EME2: variants seen among roughly 807,000 people sequenced by gnomAD.
EME2 encodes the protein structure-specific endonuclease subunit EME2.
Under a neutral mutation model 41.9 loss-of-function variants are expected in EME2, and 58 were observed. The ratio of observed to expected loss-of-function variants is 1.38; its 90% CI spans 1.12 to 1.72. EME2 has a LOEUF of 1.72. Ranked by LOEUF, EME2 falls within the 40% of genes most tolerant of loss-of-function variation. The pLI, the probability that EME2 is intolerant of heterozygous loss-of-function variation, is 0.00. For synonymous variants in EME2, 334 were observed against 239.3 expected, an observed-to-expected ratio of 1.40 and a Z score of -3.65; for missense variants, 695 against 541.9, an observed-to-expected ratio of 1.28 and a Z score of -2.81.
rs1234019151 is a variant in EME2 at position 1,777,128 on chromosome 16, G to A, written c.*890G>A. On this transcript the variant is annotated 3_prime_UTR_variant, in exon 8 of 8. Coordinates refer to ENST00000568449, the MANE Select transcript of EME2 (RefSeq NM_001257370.2). ...CCGGCGGCAGCGCTTCCTCTGGCAG[G>A]GCCGAGGCTCGCGACTGCTGGGGTG... The A allele has an allele frequency of 3.1e-6, 5 of 1,611,560 alleles. No homozygotes were observed. Among genetic ancestry groups the A allele is most frequent in the Non-Finnish European group, 4.2e-6 (5 of 1,179,638 alleles).
rs896129678 is a variant in EME2 at position 1,779,780 on chromosome 16, A to G, written c.*3542A>G. 3 of 152,200 alleles carry G rather than the reference A, an allele frequency of 2.0e-5. No individual in the cohort carries two copies. The East Asian group carries it at 5.8e-4, about 29-fold the overall frequency. 9.4% of individuals were successfully genotyped at this position (152,200 alleles called of 1,614,324 possible). ...TTTGGTGACACAGGACAAGCAGCAC[A>G]TGTGTCGAACACTGCCGAGCCCGCA... On this transcript the variant is annotated 3_prime_UTR_variant, in exon 8 of 8. Coordinates refer to ENST00000568449, the MANE Select transcript of EME2 (RefSeq NM_001257370.2).
In EME2 at chr16:1,776,637, C is replaced by T. The variant is rs2042717061; in HGVS notation, c.*399C>T. On this transcript the variant is annotated 3_prime_UTR_variant, in exon 8 of 8. Coordinates refer to ENST00000568449, the MANE Select transcript of EME2 (RefSeq NM_001257370.2). ...GGGGACTCCCAAGGATGTGGAGGGG[C>T]AGTGAGGCCTGGGAGAAGGCCCAGG... 2 of 286,410 alleles carry T rather than the reference C, an allele frequency of 7.0e-6. No homozygotes were observed. The highest frequency in any genetic ancestry group is 1.3e-5 in the Non-Finnish European group (2 of 152,108). 17.7% of individuals were successfully genotyped at this position (286,410 alleles called of 1,614,324 possible). A position where few individuals can be genotyped will look rare whatever the true frequency, so the allele number is the denominator to read the frequency against.
chr16:1,777,948 G>T lies in EME2; in HGVS notation c.*1710G>T, dbSNP rs924607619. On this transcript the variant is annotated 3_prime_UTR_variant, in exon 8 of 8. Transcript: ENST00000568449. Reference sequence around the variant, plus strand: ...GCCCCACCCTGGGCCTCACGCACCCGTGTAGGAGAGGCCCCAGCTGTCCTC... The same window carrying T: ...GCCCCACCCTGGGCCTCACGCACCCTTGTAGGAGAGGCCCCAGCTGTCCTC... 1.2e-6 allele frequency: 2 copies of T among 1,612,520 alleles called. No homozygotes were observed. Among genetic ancestry groups the T allele is most frequent in the Non-Finnish European group, 1.7e-6 (2 of 1,179,900 alleles).
rs2042685152 is a variant in EME2 at position 1,774,876 on chromosome 16, G to T, written c.478-165G>T. Reference sequence around the variant, plus strand: ...CTTAGCCTCTTTGGCCTCGTGGGAGGCACAGAGCTGGTTTTCTCAGAAGGG... The same window carrying T: ...CTTAGCCTCTTTGGCCTCGTGGGAGTCACAGAGCTGGTTTTCTCAGAAGGG... On this transcript the variant is annotated intron_variant, in intron 3 of 7. Coordinates refer to ENST00000568449, the MANE Select transcript of EME2 (RefSeq NM_001257370.2). The T allele has an allele frequency of 1.3e-5, 9 of 678,872 alleles. 1 individual carries two copies. In the South Asian group the frequency reaches 1.4e-4, roughly 10 times the overall value. 42.1% of individuals were successfully genotyped at this position (678,872 alleles called of 1,614,324 possible). A position where few individuals can be genotyped will look rare whatever the true frequency, so the allele number is the denominator to read the frequency against.
chr16:1,773,028 G>A lies in EME2; in HGVS notation c.-200G>A, dbSNP rs891271151. 6.9e-7 allele frequency: 1 copy of A among 1,443,236 alleles called. No homozygotes were observed. The highest frequency in any genetic ancestry group is 9.1e-7 in the Non-Finnish European group (1 of 1,099,388). 89.4% of individuals were successfully genotyped at this position (1,443,236 alleles called of 1,614,324 possible). On this transcript the variant is annotated 5_prime_UTR_variant, in exon 1 of 8. Coordinates refer to ENST00000568449, the MANE Select transcript of EME2 (RefSeq NM_001257370.2). Reference sequence around the variant, plus strand: ...CTCGTAGTCCACCGCGTAGAGCTGGGAGTCGCGCGGCCTGTTCAGTTGCTC... The same window carrying A: ...CTCGTAGTCCACCGCGTAGAGCTGGAAGTCGCGCGGCCTGTTCAGTTGCTC...
chr16:1,777,626 G>A lies in EME2; in HGVS notation c.*1388G>A. ...CACTGTCCCACCCCCTGGGACCCTG[G>A]GGCCTCAGGCTTCTGGGAGGAACCC... On this transcript the variant is annotated 3_prime_UTR_variant, in exon 8 of 8. Transcript: ENST00000568449. 6.7e-7 allele frequency: 1 copy of A among 1,499,300 alleles called. No homozygotes were observed. The highest frequency in any genetic ancestry group is 9.0e-7 in the Non-Finnish European group (1 of 1,114,752). 92.9% of individuals were successfully genotyped at this position (1,499,300 alleles called of 1,614,324 possible). A position where few individuals can be genotyped will look rare whatever the true frequency, so the allele number is the denominator to read the frequency against.
At position 1,775,915 on chromosome 16, in the gene EME2, T is replaced by C; in HGVS notation, c.898T>C (p.Phe300Leu). 2.5e-6 allele frequency: 4 copies of C among 1,612,248 alleles called. No individual in the cohort carries two copies. The highest frequency in any genetic ancestry group is 3.4e-6 in the Non-Finnish European group (4 of 1,179,802). Residue 300 changes from phenylalanine (F) to leucine (L), a missense_variant, in exon 7 of 8, where the codon TTC becomes CTC. Coordinates refer to ENST00000568449, the MANE Select transcript of EME2 (RefSeq NM_001257370.2). ...QAAWRRQIRQ[F>L]SRVSPAVADA... The stretch of plus-strand genomic sequence containing the variant: ...GGCCTGGCGGAGGCAGATCAGGCAG[T>C]TCAGTCGGGTCAGCCCAGCCGTGGC...
In EME2 at chr16:1,781,449, T is replaced by A. The variant is rs1471498171; in HGVS notation, c.*5211T>A. 6.2e-7 allele frequency: 1 copy of A among 1,612,568 alleles called. No individual in the cohort carries two copies. The highest frequency in any genetic ancestry group is 8.5e-7 in the Non-Finnish European group (1 of 1,179,974). On this transcript the variant is annotated 3_prime_UTR_variant, in exon 8 of 8. Coordinates refer to ENST00000568449, the MANE Select transcript of EME2 (RefSeq NM_001257370.2). ...TCGGCGGGCTGCACTCAGGACGAAG[T>A]GCCAGGCCCTGCTGTTCCGGGGGCG...
At position 1,778,140 on chromosome 16, in the gene EME2, G is replaced by A. The variant is rs376234209; in HGVS notation, c.*1902G>A. The A allele has an allele frequency of 1.6e-5, 25 of 1,612,558 alleles. No individual in the cohort carries two copies. The highest frequency in any genetic ancestry group is 3.3e-5 in the Admixed American group (2 of 59,994). On this transcript the variant is annotated 3_prime_UTR_variant, in exon 8 of 8. Coordinates refer to ENST00000568449, the MANE Select transcript of EME2 (RefSeq NM_001257370.2). ...CTGGGCCGAAGCAACTTACCATGTCGGTGCCGTAGACGGGAGAGGTCATCT... is the reference window on the plus strand; with the variant it reads ...CTGGGCCGAAGCAACTTACCATGTCAGTGCCGTAGACGGGAGAGGTCATCT...
In EME2 at chr16:1,777,801, G is replaced by C. The variant is rs1480822388; in HGVS notation, c.*1563G>C. 6 of 1,612,788 alleles carry C rather than the reference G, an allele frequency of 3.7e-6. No homozygotes were observed. Among genetic ancestry groups the C allele is most frequent in the Non-Finnish European group, 5.1e-6 (6 of 1,179,916 alleles). On this transcript the variant is annotated 3_prime_UTR_variant, in exon 8 of 8. Coordinates refer to ENST00000568449, the MANE Select transcript of EME2 (RefSeq NM_001257370.2). ...AGTGTGCCGTGCCAGGTGTCCAGGT[G>C]CACGCCAATGATGGAGCCCTGGCCG...
rs1000988298 is a variant in EME2 at position 1,773,005 on chromosome 16, C to T, written c.-223C>T. ...CCAGAGAACGGCCGCGTCAAGGTCT[C>T]GTAGTCCACCGCGTAGAGCTGGGAG... On this transcript the variant is annotated 5_prime_UTR_variant, in exon 1 of 8. Transcript: ENST00000568449. 7 of 1,457,130 alleles carry T rather than the reference C, an allele frequency of 4.8e-6. No homozygotes were observed. Among genetic ancestry groups the T allele is most frequent in the African/African-American group, 4.5e-5 (3 of 67,058 alleles). The allele number at this position is 1,457,130 out of a possible 1,614,324, so 90.3% of individuals were successfully genotyped here.
rs778576287 is a variant in EME2 at position 1,778,475 on chromosome 16, G to A, written c.*2237G>A. On this transcript the variant is annotated 3_prime_UTR_variant, in exon 8 of 8. Transcript: ENST00000568449. ...CGCAGCGGCAGTCCCTGCCCCGGTG[G>A]GCCGAGTGCAGGCTGCTACAGAAGG... 3 of 1,611,558 alleles carry A rather than the reference G, an allele frequency of 1.9e-6. No homozygotes were observed. The highest frequency in any genetic ancestry group is 1.7e-6 in the Non-Finnish European group (2 of 1,179,352).
Position 1,773,076 on chromosome 16 carries a change from G to C in EME2, c.-152G>C. On this transcript the variant is annotated 5_prime_UTR_variant, in exon 1 of 8. Transcript: ENST00000568449. ...CTCCCGCAGGGCGCGCACGCGGCGG[G>C]CCAGCTCCGCGATCAGCCGCGGACG... 1 of 1,413,428 alleles carries C rather than the reference G, an allele frequency of 7.1e-7. No homozygotes were observed. The highest frequency in any genetic ancestry group is 9.2e-7 in the Non-Finnish European group (1 of 1,087,324). The allele number at this position is 1,413,428 out of a possible 1,614,324, so 87.6% of individuals were successfully genotyped here.
At position 1,781,084 on chromosome 16, in the gene EME2, C is replaced by A; in HGVS notation, c.*4846C>A. 8.0e-7 allele frequency: 1 copy of A among 1,257,598 alleles called. No homozygotes were observed. Among genetic ancestry groups the A allele is most frequent in the Admixed American group, 2.3e-5 (1 of 43,992 alleles). The allele number at this position is 1,257,598 out of a possible 1,614,324, so 77.9% of individuals were successfully genotyped here. On this transcript the variant is annotated 3_prime_UTR_variant, in exon 8 of 8. Transcript: ENST00000568449. ...AACCAAAAGCAACTGCCAACCTCTC[C>A]ATGCACCATGTGTTTCAGAGGAGAA...
rs912490376 is a variant in EME2, at chr16:1,778,931, G to A, written c.*2693G>A. 2.2e-5 allele frequency: 6 copies of A among 270,128 alleles called. No individual in the cohort carries two copies. The South Asian group carries it at 5.7e-4, about 26-fold the overall frequency. The allele number at this position is 270,128 out of a possible 1,614,324, so 16.7% of individuals were successfully genotyped here. On this transcript the variant is annotated 3_prime_UTR_variant, in exon 8 of 8. Coordinates refer to ENST00000568449, the MANE Select transcript of EME2 (RefSeq NM_001257370.2). ...CACCTGCCCAGAGCTGAGATGGTGT[G>A]GACACCTTCCCTGCTAGGCCAGCCC...
At position 1,776,101 on chromosome 16, in the gene EME2, A is replaced by C; in HGVS notation, c.1003A>C (p.Met335Leu). 1 of 1,611,284 alleles carries C rather than the reference A, an allele frequency of 6.2e-7. No individual in the cohort carries two copies. Among genetic ancestry groups the C allele is most frequent in the African/African-American group, 1.3e-5 (1 of 75,064 alleles). The part of the protein sequence containing the change: ...LEACSTERER[M>L]GLLADLPVPP... Reference sequence around the variant, plus strand: ...GGCCTGCAGCACGGAGCGGGAGCGCATGGGCCTCCTGGCCGACCTTCCTGT... The same window carrying C: ...GGCCTGCAGCACGGAGCGGGAGCGCCTGGGCCTCCTGGCCGACCTTCCTGT... The change falls in exon 8 of 8, where the codon ATG becomes CTG. Residue 335 changes from methionine to leucine, a missense_variant. Met to Leu is a conservative substitution (Grantham distance 15, BLOSUM62 2). Transcript: ENST00000568449.
Position 1,777,256 on chromosome 16 carries a change from C to T in EME2, c.*1018C>T, listed in dbSNP as rs751327026. The T allele has an allele frequency of 2.4e-5, 38 of 1,610,444 alleles. No homozygotes were observed. The highest frequency in any genetic ancestry group is 4.0e-5 in the African/African-American group (3 of 74,938). On this transcript the variant is annotated 3_prime_UTR_variant, in exon 8 of 8. Coordinates refer to ENST00000568449, the MANE Select transcript of EME2 (RefSeq NM_001257370.2). ...TGTTGTGTAGCACCTGCTTGAGGCC[C>T]GGCGGCAGCGGCAGACCCTCCAGCG...
In EME2 at chr16:1,778,126, C is replaced by A. The variant is rs767832584; in HGVS notation, c.*1888C>A. The A allele has an allele frequency of 6.2e-6, 10 of 1,612,742 alleles. No homozygotes were observed. Among genetic ancestry groups the A allele is most frequent in the Middle Eastern group, 1.7e-4 (1 of 6,060 alleles). ...TCCCCAGAAGCACCCTGGGCCGAAG[C>A]AACTTACCATGTCGGTGCCGTAGAC... On this transcript the variant is annotated 3_prime_UTR_variant, in exon 8 of 8. Transcript: ENST00000568449.
rs375808256 is a variant in EME2 at position 1,778,057 on chromosome 16, A to G, written c.*1819A>G. The G allele has an allele frequency of 3.7e-6, 6 of 1,612,756 alleles. No homozygotes were observed. The highest frequency in any genetic ancestry group is 3.3e-5 in the South Asian group (3 of 91,014). ...GTCCCGATGCCCACCATCTAGGAAC[A>G]GGGGCCAGGCAGAGGGCGCGGGGCT... On this transcript the variant is annotated 3_prime_UTR_variant, in exon 8 of 8. Transcript: ENST00000568449.
Sources: allele counts gnomAD v4.1 joint callset, GRCh38; gene constraint gnomAD v4.1.1; transcripts MANE v1.5; gene names NCBI Gene and HGNC (gene_info 2026-07-23, HGNC 2026-07-21).